Variants in NBPF20 observed in about 807,000 individuals in gnomAD.
NBPF20 encodes the protein NBPF member 20, also known as NBPF family member NBPF20.
In NBPF20, 90 loss-of-function variants were observed where a neutral mutation model predicts 68.1. That is an observed-to-expected ratio of 1.32 (90% confidence interval 1.11 to 1.58). The LOEUF (loss-of-function observed/expected upper bound fraction) is 1.58. NBPF20 is among the 40% of genes most tolerant of loss of function. NBPF20 has a pLI of 0.00. For missense variants in NBPF20, 816 were observed against 601.2 expected, an observed-to-expected ratio of 1.36 and a Z score of -3.74; for synonymous variants, 290 against 228.1, an observed-to-expected ratio of 1.27 and a Z score of -2.45.
upstream of NBPF20, among the ~76,000 whole-genome samples, chr1:145,409,428 G>C (rs782039177): frequency 5.7e-4 from 85 of 149,092 alleles, 1 homozygote; most frequent in Non-Finnish European, 1.0e-3. Context: ...TAAATATTAA[G>C]AGGAAAAAAA....
the NBPF20 span, among the ~76,000 whole-genome samples, chr1:145,411,392 T>TC: frequency 7.3e-6 from 1 of 136,428 alleles, no homozygotes; most frequent in African/African-American, 2.7e-5. Flanking sequence ...CTTTCCTTTT[T>TC]TTTTTTTTTT....
Position 145,292,055 on chromosome 1 carries a change from G to C in NBPF20, c.16698-286C>G, listed in dbSNP as rs587699138. On this transcript the variant is annotated intron_variant, in intron 137 of 137. Coordinates refer to ENST00000369373, the Ensembl canonical transcript of NBPF20. ...TGGTAAGGGAGTCAAAGGACACTCT[G>C]AGTTAGTGTCCTCATGACACACAGC... Among the ~76,000 whole-genome samples the C allele has an allele frequency of 6.7e-5, 10 of 149,542 alleles. No homozygotes were observed. The East Asian group carries it at 9.7e-4, about 14-fold the overall frequency.
At chr1:145,419,113 GAGGGAGGC>G in the NBPF20 span, among the ~76,000 whole-genome samples, 10 of 129,720 alleles carry the variant, frequency 7.7e-5, no homozygotes, top group East Asian at 2.6e-4. Context: ...GGGAGGGAGG[GAGGGAGGC>G]AGGGAGGAAG....
At position 145,395,035 on chromosome 1, in the gene NBPF20, T is replaced by C. The variant is rs1452066014; in HGVS notation, c.934A>G (p.Ser312Gly). ...TCCTCTAATGAGTGAAATGTGCTGC[T>C]GTAAGACTGGTACGAGGCCAACATT... The change falls in exon 8 of 138, where the codon AGC becomes GGC. Residue 312 changes from serine (S) to glycine (G), a missense_variant. Coordinates refer to ENST00000369373, the Ensembl canonical transcript of NBPF20. 4.5e-5 allele frequency: 73 copies of C among 1,611,586 alleles called. No individual in the cohort carries two copies. The East Asian group carries it at 1.6e-3, about 34-fold the overall frequency.
exon 6 of NBPF20, chr1:145,400,428 A>G (rs79004754): frequency 1.7e-5 from 27 of 1,612,950 alleles, no homozygotes; most frequent in South Asian, 2.2e-5. Flanking sequence ...TCAACATGAG[A>G]GGATGAGCCA....
chr1:145,290,386 C>T (rs1310149583), exon 138 of NBPF20: 2 of 149,038 alleles, frequency 1.3e-5, no homozygotes, highest in Admixed American at 6.6e-5. Context: ...CTTCTCTGCC[C>T]GCAGATGGGC....
rs1662455137 is a variant in NBPF20 at position 145,400,250 on chromosome 1, C to A, written c.775+136G>T. The A allele has an allele frequency of 3.2e-6, 5 of 1,569,438 alleles. No homozygotes were observed. The Admixed American group carries it at 5.4e-5, about 17-fold the overall frequency. On this transcript the variant is annotated intron_variant, in intron 6 of 137. Coordinates refer to ENST00000369373, the Ensembl canonical transcript of NBPF20. ...AAGTCATGACATTAGCTGAGAAGGACAAAAAAAGTCCCTGATATCTGTTTA... is the reference window on the plus strand; with the variant it reads ...AAGTCATGACATTAGCTGAGAAGGAAAAAAAAAGTCCCTGATATCTGTTTA...
chr1:145,403,577 G>A (rs1662627877), intron 2 of NBPF20, among the ~76,000 whole-genome samples: 1 of 152,216 alleles, frequency 6.6e-6, no homozygotes, highest in South Asian at 2.1e-4. Flanking sequence ...ACGAAGTGGA[G>A]TCAGAATTCA....
chr1:145,342,740 A>T (rs1448892715), intron 73 of NBPF20, among the ~76,000 whole-genome samples, 181 bp from the exon 79 acceptor site: 12 of 109,734 alleles, frequency 1.1e-4, no homozygotes, highest in East Asian at 1.1e-3. Context: ...AAAAGAATGA[A>T]AGAGAAAGAC....
chr1:145,410,534 C>T (rs1231553750), upstream of NBPF20, among the ~76,000 whole-genome samples: 24 of 150,564 alleles, frequency 1.6e-4, no homozygotes, highest in African/African-American at 5.3e-4. Context: ...GGGATGGTCT[C>T]GATCTCCTGA....
chr1:145,394,527 C>A (rs1197643573), intron 8 of NBPF20, among the ~76,000 whole-genome samples: 1 of 152,030 alleles, frequency 6.6e-6, no homozygotes, highest in Non-Finnish European at 1.5e-5. Flanking sequence ...AAACCTGGGT[C>A]ACATCTTTCA....
chr1:145,420,196 G>T, the NBPF20 span, among the ~76,000 whole-genome samples: 1 of 151,590 alleles, frequency 6.6e-6, no homozygotes, highest in African/African-American at 2.4e-5. Context: ...GGGTAAGAGG[G>T]GAAGAGCAAG....
chr1:145,411,483 C>T, the NBPF20 span, among the ~76,000 whole-genome samples: 2 of 113,510 alleles, frequency 1.8e-5, no homozygotes, highest in Admixed American at 9.2e-5. Context: ...CCTCTGCCTC[C>T]CAGGTTCAAG....
upstream of NBPF20, chr1:145,407,973 C>T (rs1261776679): frequency 5.7e-6 from 1 of 174,792 alleles, no homozygotes. Flanking sequence ...TACTGTGGTC[C>T]TGGACTCACT....
At chr1:145,400,684 T>C in intron 5 of NBPF20, 90 bp from the exon 11 acceptor site, 5 of 1,519,464 alleles carry the variant, frequency 3.3e-6, no homozygotes, top group Non-Finnish European at 4.6e-6. Context: ...ACAGGCGGCA[T>C]TAAGAGAGTG....
At chr1:145,292,042 C>G (rs61812481) in intron 137 of NBPF20, among the ~76,000 whole-genome samples, 1 of 145,884 alleles carries the variant, frequency 6.9e-6, no homozygotes, top group Non-Finnish European at 1.5e-5. Context: ...GTAAGGGAGT[C>G]AAAGGACACT....
At chr1:145,400,118 C>A (rs76084498) in intron 6 of NBPF20, among the ~76,000 whole-genome samples, 1 of 152,178 alleles carries the variant, frequency 6.6e-6, no homozygotes, top group Admixed American at 6.5e-5. Flanking sequence ...TGAATCGAAG[C>A]TAGTAGGCCT....
At chr1:145,417,648 A>C in the NBPF20 span, among the ~76,000 whole-genome samples, 1 of 149,828 alleles carries the variant, frequency 6.7e-6, no homozygotes, top group East Asian at 1.9e-4. Flanking sequence ...AAAAGGTGAA[A>C]GATCTCAACA....
At chr1:145,412,595 T>C in the NBPF20 span, among the ~76,000 whole-genome samples, 1 of 151,432 alleles carries the variant, frequency 6.6e-6, no homozygotes, top group Non-Finnish European at 1.5e-5. Context: ...GTTTAGAAAA[T>C]TGTTGAACAA....
Sources: allele counts gnomAD v4.1 joint callset (sites outside exome capture counted in the v4.1 genomes callset), GRCh38; gene constraint gnomAD v4.1.1; transcripts MANE v1.5; gene names NCBI Gene and HGNC (gene_info 2026-07-23, HGNC 2026-07-21).